The following TMEM165 variants were observed in gnomAD, a reference collection of about 807,000 sequenced individuals.
TMEM165 encodes putative divalent cation/proton antiporter TMEM165.
TMEM165 carries 19 observed loss-of-function variants against 30.0 expected under a neutral mutation model. That is an observed-to-expected ratio of 0.63 (90% CI 0.44 to 0.93). The LOEUF is 0.93. Among genes scored for constraint, TMEM165 ranks in the 40% least tolerant of loss-of-function variants. The pLI is 0.00. For missense variants in TMEM165, 340 were observed against 417.0 expected, an observed-to-expected ratio of 0.82 and a Z score of 1.61; for synonymous variants, 168 against 162.9, an observed-to-expected ratio of 1.03 and a Z score of -0.24.
rs927710420 is a variant in TMEM165, at chr4:55,396,074, A to G, written c.-116A>G. 3.6e-6 allele frequency: 3 copies of G among 844,338 alleles called. No individual in the cohort carries two copies. In the African/African-American group the frequency reaches 5.5e-5, roughly 15 times the overall value. 52.3% of individuals were successfully genotyped at this position (844,338 alleles called of 1,614,324 possible). On this transcript the variant is annotated 5_prime_UTR_variant, in exon 1 of 6. The change abolishes the stop of an existing upstream ORF in the 5' untranslated region. Transcript: ENST00000381334. ...TCCCGGATGGTGCTGACTGCTCCCT[A>G]AGCGGCGGCGGCGGCGAGTCGTGAG...
chr4:55,439,858 A>G (rs1297567509), intron 3 of TMEM165, among the ~76,000 whole-genome samples: 2 of 152,074 alleles, frequency 1.3e-5, no homozygotes. Flanking sequence ...AAGAATGGGG[A>G]CTTGTATAAT....
At chr4:55,450,265 G>A (rs935888197) in intron 3 of TMEM165, 3 of 1,613,044 alleles carry the variant, frequency 1.9e-6, no homozygotes, top group African/African-American at 1.3e-5. Flanking sequence ...ATGTTTTCTT[G>A]TGGTTCAGTT....
intron 2 of TMEM165, among the ~76,000 whole-genome samples, chr4:55,412,415 AAAG>A (rs1419620352): frequency 3.8e-4 from 58 of 151,158 alleles, no homozygotes; most frequent in African/African-American, 1.2e-3. Flanking sequence ...AAAAAAAAAA[AAAG>A]GGAGACTGTT....
Position 55,417,855 on chromosome 4 carries a change from G to C in TMEM165, c.662G>C (p.Ser221Thr). Residue 221 changes from serine to threonine, a missense_variant, in exon 4 of 6, where the codon AGC (serine) becomes ACC (threonine). Ser to Thr is a moderately conservative substitution (Grantham distance 58, BLOSUM62 1). Coordinates refer to ENST00000381334, the MANE Select transcript of TMEM165 (RefSeq NM_018475.5). Reference sequence around the variant, plus strand: ...CCGGGAGATGTTGAAACGGGTACAAGCATAACAGTACCTCAGAAAAAGTGG... The same window carrying C: ...CCGGGAGATGTTGAAACGGGTACAACCATAACAGTACCTCAGAAAAAGTGG... ...NGPGDVETGT[S>T]ITVPQKKWLH... The C allele has an allele frequency of 1.2e-6, 2 of 1,613,952 alleles. No individual in the cohort carries two copies. The highest frequency in any genetic ancestry group is 1.7e-6 in the Non-Finnish European group (2 of 1,179,928).
chr4:55,396,227 C>T lies in TMEM165; in HGVS notation c.38C>T (p.Ala13Val). Residue 13 changes from alanine (A) to valine (V), a missense_variant, in exon 1 of 6, where the codon GCG (alanine) becomes GTG (valine). By Grantham distance (64) the Ala-to-Val change is moderately conservative. Around this residue, in one of 2 missense-constraint regions of TMEM165, gnomAD observed 120 missense variants for 109.4 expected, o/e 1.10. Transcript: ENST00000381334. The stretch of plus-strand genomic sequence containing the variant: ...GCTCCAGGGAACGGCCGCGCATCGG[C>T]GCCCCGGCTGCTTCTGCTCTTTCTG... The part of the protein sequence containing the change: ...AAAPGNGRAS[A>V]PRLLLLFLVP... The T allele has an allele frequency of 6.8e-7, 1 of 1,469,202 alleles. No homozygotes were observed. Among genetic ancestry groups the T allele is most frequent in the Non-Finnish European group, 9.0e-7 (1 of 1,115,250 alleles). The allele number at this position is 1,469,202 out of a possible 1,614,324, so 91.0% of individuals were successfully genotyped here. A position where few individuals can be genotyped will look rare whatever the true frequency, so the allele number is the denominator to read the frequency against.
rs869107499 is a variant in TMEM165 at position 55,402,403 on chromosome 4, GTATATATATATATATA to G, written c.207+6023_207+6038del. On this transcript the variant is annotated intron_variant, in intron 1 of 5. Transcript: ENST00000381334. ...TAAGTGCGTGCGTGTGTGTGTGTGT[GTATATATATATATATA>G]TATATATATATATATTTTTTTTTTT... Among the ~76,000 whole-genome samples, 211 of 48,150 alleles carry G rather than the reference GTATATATATATATATA, an allele frequency of 4.4e-3. 5 individuals are homozygous for G. Among genetic ancestry groups the G allele is most frequent in the African/African-American group, 0.021 (200 of 9,568 alleles). The allele number at this position is 48,150 out of a possible 152,430, so 31.6% of individuals were successfully genotyped here.
At chr4:55,448,996 TACAGCTATGTCTTCTCATCTATATTGG>T in intron 3 of TMEM165, 1 of 755,166 alleles carries the variant, frequency 1.3e-6, no homozygotes, top group Non-Finnish European at 2.2e-6. Context: ...GTTAGCTGAA[TACAGCTATGTCTTCTCATCTATATTGG>T]AAAGGCCTGT....
intron 1 of TMEM165, among the ~76,000 whole-genome samples, chr4:55,399,483 A>T (rs1441437027): frequency 6.6e-6 from 1 of 152,226 alleles, no homozygotes; most frequent in African/African-American, 2.4e-5. Context: ...ATTTTAAAAC[A>T]ATAACTATTT....
chr4:55,444,786 C>G (rs1723661156), intron 3 of TMEM165: 2 of 1,613,860 alleles, frequency 1.2e-6, no homozygotes, highest in Non-Finnish European at 1.7e-6. Flanking sequence ...AAAACTGAAA[C>G]TGAAGTACCA....
chr4:55,444,128 G>A (rs778602350), intron 3 of TMEM165, among the ~76,000 whole-genome samples: 16 of 152,184 alleles, frequency 1.1e-4, no homozygotes, highest in African/African-American at 1.2e-4. Context: ...GTGTTAGTCT[G>A]TGGATTGACA....
At chr4:55,449,837 C>A (rs1173934217) in intron 3 of TMEM165, among the ~76,000 whole-genome samples, 1 of 152,080 alleles carries the variant, frequency 6.6e-6, no homozygotes, top group Non-Finnish European at 1.5e-5. Flanking sequence ...AAATAGTTGC[C>A]TTTCTTTTTG....
intron 3 of TMEM165, among the ~76,000 whole-genome samples, chr4:55,447,744 TTAAA>T (rs1192755631): frequency 6.6e-6 from 1 of 150,990 alleles, no homozygotes; most frequent in African/African-American, 2.5e-5. Flanking sequence ...ATGACTTAAA[TTAAA>T]TAACCATATA....
At chr4:55,430,707 T>C (rs562524531), downstream of TMEM165, 3 of 152,328 alleles carry the variant, frequency 2.0e-5, no homozygotes, top group South Asian at 6.2e-4. Context: ...AGAATAATTC[T>C]TGAAATTATT....
At chr4:55,443,720 T>C in intron 3 of TMEM165, 1 of 1,614,160 alleles carries the variant, frequency 6.2e-7, no homozygotes, top group Non-Finnish European at 8.5e-7. Flanking sequence ...TCTGTTGTTG[T>C]ATCATGTGCT....
chr4:55,445,489 T>C (rs1033592795), intron 3 of TMEM165, among the ~76,000 whole-genome samples: 7 of 151,928 alleles, frequency 4.6e-5, no homozygotes, highest in East Asian at 1.9e-4. Context: ...GGTTAGGAGC[T>C]TGTGGGGAGT....
intron 3 of TMEM165, among the ~76,000 whole-genome samples, chr4:55,441,927 A>G (rs1723405363): frequency 6.6e-6 from 1 of 152,216 alleles, no homozygotes; most frequent in African/African-American, 2.4e-5. Context: ...CATCACCTTA[A>G]CTAGCTATAG....
intron 3 of TMEM165, chr4:55,444,039 T>C (rs1723588604): frequency 3.0e-6 from 2 of 658,814 alleles, no homozygotes; most frequent in Non-Finnish European, 5.2e-6. Flanking sequence ...TAGCAATAAA[T>C]AAGTAGTGAA....
rs866223987 is a variant in TMEM165 at position 55,402,132 on chromosome 4, G to A, written c.207+5736G>A. ...AAACTCTGTCTCCAAAAAAAAAAAA[G>A]AAACTAAACACATTTAATAAATTTC... On this transcript the variant is annotated intron_variant, in intron 1 of 5. Coordinates refer to ENST00000381334, the MANE Select transcript of TMEM165 (RefSeq NM_018475.5). Among the ~76,000 whole-genome samples, 709 of 76,960 alleles carry A rather than the reference G, an allele frequency of 9.2e-3. 8 individuals are homozygous for A. Among genetic ancestry groups the A allele is most frequent in the Middle Eastern group, 0.015 (2 of 132 alleles). The allele number at this position is 76,960 out of a possible 152,430, so 50.5% of individuals were successfully genotyped here. A position where few individuals can be genotyped will look rare whatever the true frequency, so the allele number is the denominator to read the frequency against.
intron 3 of TMEM165, chr4:55,435,357 G>GT: frequency 6.3e-7 from 1 of 1,595,312 alleles, no homozygotes; most frequent in Admixed American, 1.7e-5. Context: ...GGTCATCTGA[G>GT]TAACTCTTAA....
Sources: allele counts gnomAD v4.1 joint callset (sites outside exome capture counted in the v4.1 genomes callset), GRCh38; gene constraint gnomAD v4.1.1; regional missense constraint gnomAD v4.1.1; transcripts MANE v1.5; gene names NCBI Gene and HGNC (gene_info 2026-07-23, HGNC 2026-07-21).